FAIM2: variants seen among roughly 807,000 people sequenced by gnomAD.
FAIM2 encodes the protein Fas apoptotic inhibitory molecule 2.
FAIM2 carries 27 observed loss-of-function variants against 47.4 expected under a neutral mutation model. That is an observed-to-expected ratio of 0.57 (90% CI 0.42 to 0.78). The LOEUF (loss-of-function observed/expected upper bound fraction) is 0.78. Ranked by LOEUF, FAIM2 falls within the 30% of genes least tolerant of loss-of-function variation. The pLI is 0.00. For synonymous variants in FAIM2, 156 were observed against 159.3 expected, an observed-to-expected ratio of 0.98 and a Z score of 0.16; for missense variants, 311 against 389.4, an observed-to-expected ratio of 0.80 and a Z score of 1.69.
rs1025582315 is a variant in FAIM2 at position 49,889,200 on chromosome 12, G to A, written c.654C>T (p.Phe218=). 10 of 1,608,360 alleles carry A rather than the reference G, an allele frequency of 6.2e-6. No homozygotes were observed. Among genetic ancestry groups the A allele is most frequent in the African/African-American group, 4.0e-5 (3 of 74,856 alleles). Residue 218 remains phenylalanine, a splice_region_variant and synonymous_variant, in exon 10 of 12, where the codon TTC becomes TTT. Coordinates refer to ENST00000320634, the MANE Select transcript of FAIM2 (RefSeq NM_012306.4). ...SVTVFSFQTK[F]DFTSCQGVLF... ...GCACGCCCTGGCAGGAGGTGAAGTCGAACTGTGGGGACAGGATGGGGTTAG... is the reference window on the plus strand; with the variant it reads ...GCACGCCCTGGCAGGAGGTGAAGTCAAACTGTGGGGACAGGATGGGGTTAG...
rs1946670455 is a variant in FAIM2, at chr12:49,867,345, C to G, written c.*3159G>C. The G allele has an allele frequency of 6.6e-6, 1 of 152,360 alleles. No individual in the cohort carries two copies. Among genetic ancestry groups the G allele is most frequent in the Non-Finnish European group, 1.5e-5 (1 of 68,162 alleles). The allele number at this position is 152,360 out of a possible 1,614,324, so 9.4% of individuals were successfully genotyped here. ...AATCCCACCCCGCCCAGGAGAGCAGCCAGGACACCTGGGACTTGGCTTCAG... is the reference window on the plus strand; with the variant it reads ...AATCCCACCCCGCCCAGGAGAGCAGGCAGGACACCTGGGACTTGGCTTCAG... On this transcript the variant is annotated 3_prime_UTR_variant, in exon 12 of 12. Coordinates refer to ENST00000320634, the MANE Select transcript of FAIM2 (RefSeq NM_012306.4).
At chr12:49,880,712 A>C (rs1324383624) in intron 11 of FAIM2, among the ~76,000 whole-genome samples, 3 of 115,792 alleles carry the variant, frequency 2.6e-5, no homozygotes, top group African/African-American at 1.1e-4. Context: ...CCATGTGTGT[A>C]CATGCGTGTA....
chr12:49,900,277 G>C lies in FAIM2; in HGVS notation c.211+853C>G. ...CCTATGAGCAGAGGCTCTGTCTGGG[G>C]CATTGTCTCTGAGATCTCTTCTAGA... On this transcript the variant is annotated intron_variant, in intron 2 of 11. Transcript: ENST00000320634. 3.3e-6 allele frequency: 4 copies of C among 1,203,102 alleles called. No homozygotes were observed. The South Asian group carries it at 5.4e-5, about 16-fold the overall frequency. 74.5% of individuals were successfully genotyped at this position (1,203,102 alleles called of 1,614,324 possible).
chr12:49,882,482 T>C (rs1946832834), intron 11 of FAIM2, among the ~76,000 whole-genome samples: 1 of 152,138 alleles, frequency 6.6e-6, no homozygotes, highest in Non-Finnish European at 1.5e-5. Context: ...CCCTGCCCCA[T>C]GGGCCCCAGG....
chr12:49,884,707 A>AGG lies in FAIM2; in HGVS notation c.801+2678_801+2679insCC, dbSNP rs1168544325. On this transcript the variant is annotated intron_variant, in intron 11 of 11. Coordinates refer to ENST00000320634, the MANE Select transcript of FAIM2 (RefSeq NM_012306.4). Reference sequence around the variant, plus strand: ...AATCTGTGCCAGGACGGGCATGGTCACTCACGCCTGTAATCCCAGCACTTT... The same window carrying AGG: ...AATCTGTGCCAGGACGGGCATGGTCAGGCTCACGCCTGTAATCCCAGCACTTT... 4.2e-3 allele frequency among the ~76,000 whole-genome samples: 638 copies of AGG among 152,180 alleles called. 2 individuals are homozygous for AGG. Among genetic ancestry groups the AGG allele is most frequent in the African/African-American group, 0.015 (611 of 41,536 alleles).
At chr12:49,878,484 GTATA>G (rs1281592968) in intron 11 of FAIM2, among the ~76,000 whole-genome samples, 1 of 129,056 alleles carries the variant, frequency 7.7e-6, no homozygotes, top group African/African-American at 3.0e-5. Flanking sequence ...GTGCATGTGT[GTATA>G]TGTATGTGCA....
At chr12:49,901,425 C>T (rs540573257) in intron 1 of FAIM2, 100 bp from the exon 2 acceptor site, 1 of 886,794 alleles carries the variant, frequency 1.1e-6, no homozygotes, top group Non-Finnish European at 1.6e-6. Flanking sequence ...TTTCATGGTT[C>T]CTTCCTTACC....
chr12:49,903,550 G>GGGGTGGCA (rs1235085938), intron 1 of FAIM2, among the ~76,000 whole-genome samples: 1 of 152,264 alleles, frequency 6.6e-6, no homozygotes, highest in Non-Finnish European at 1.5e-5. Flanking sequence ...TGCCAAAGCA[G>GGGGTGGCA]GGGTGGCAGG....
intron 11 of FAIM2, among the ~76,000 whole-genome samples, chr12:49,879,046 T>TGTGTGTGTCTGTGTGCATGAGTG (rs1565613713): frequency 8.0e-6 from 1 of 125,230 alleles, no homozygotes; most frequent in Admixed American, 9.0e-5. Context: ...GTGCATGAGT[T>TGTGTGTGTCTGTGTGCATGAGTG]TGTGTATGTG....
intron 1 of FAIM2, 148 bp downstream of exon 1, chr12:49,903,630 C>G: frequency 9.2e-7 from 1 of 1,086,608 alleles, no homozygotes; most frequent in Non-Finnish European, 1.4e-6. Context: ...ACCGGCCTTT[C>G]GGTCCTCTGA....
chr12:49,890,182 G>A, intron 7 of FAIM2, 28 bp from the exon 8 acceptor site: 1 of 1,613,526 alleles, frequency 6.2e-7, no homozygotes, highest in Non-Finnish European at 8.5e-7. Flanking sequence ...GTAAAGGAAT[G>A]TTCCAAACTC....
intron 8 of FAIM2, among the ~76,000 whole-genome samples, 179 bp downstream of exon 8, chr12:49,889,938 G>A (rs1048601766): frequency 1.3e-5 from 2 of 151,996 alleles, no homozygotes; most frequent in African/African-American, 2.4e-5. Context: ...CAGGTCTTGG[G>A]GTCACTGTCC....
chr12:49,896,926 TG>T (rs1476197112), intron 5 of FAIM2, 104 bp downstream of exon 5: 4 of 909,890 alleles, frequency 4.4e-6, no homozygotes, highest in Non-Finnish European at 7.4e-6. Context: ...CCTGTGGGGC[TG>T]GGGGAAGCTA....
intron 11 of FAIM2, among the ~76,000 whole-genome samples, chr12:49,878,670 GTGTA>G (rs1458420956): frequency 2.2e-5 from 3 of 134,858 alleles, no homozygotes; most frequent in Admixed American, 8.3e-5. Context: ...ATGTGCATGT[GTGTA>G]TGTGTGTATA....
At chr12:49,881,746 G>A (rs570977064) in intron 11 of FAIM2, among the ~76,000 whole-genome samples, 1 of 152,322 alleles carries the variant, frequency 6.6e-6, no homozygotes, top group Admixed American at 6.5e-5. Context: ...GCATATTTGG[G>A]TCTGGCATCC....
intron 11 of FAIM2, among the ~76,000 whole-genome samples, chr12:49,884,103 A>G (rs553248505): frequency 3.3e-5 from 5 of 152,266 alleles, no homozygotes; most frequent in Admixed American, 2.0e-4. Flanking sequence ...GCATGCCTGT[A>G]GTCCCAGCTA....
At chr12:49,891,274 G>A (rs1422701279) in intron 5 of FAIM2, among the ~76,000 whole-genome samples, 160 bp from the exon 6 acceptor site, 3 of 152,160 alleles carry the variant, frequency 2.0e-5, no homozygotes, top group African/African-American at 7.2e-5. Context: ...AGTGGGCAGG[G>A]TGGTGGTCCA....
rs903147449 is a variant in FAIM2 at position 49,870,219 on chromosome 12, C to T, written c.*285G>A. ...TCCTGCTAGGCTTCTCCTCCTTGTC[C>T]CTTGGACCCTCAAACCCAGAGGAGC... On this transcript the variant is annotated 3_prime_UTR_variant, in exon 12 of 12. Coordinates refer to ENST00000320634, the MANE Select transcript of FAIM2 (RefSeq NM_012306.4). 8.9e-6 allele frequency: 3 copies of T among 338,326 alleles called. No homozygotes were observed. Among genetic ancestry groups the T allele is most frequent in the Middle Eastern group, 1.8e-3 (2 of 1,140 alleles). The allele number at this position is 338,326 out of a possible 1,614,324, so 21.0% of individuals were successfully genotyped here.
intron 5 of FAIM2, among the ~76,000 whole-genome samples, chr12:49,892,999 G>C (rs1301738123): frequency 2.6e-5 from 4 of 152,088 alleles, no homozygotes; most frequent in Non-Finnish European, 5.9e-5. Context: ...TGGACTTGTT[G>C]ATCTTCCTAC....
Sources: allele counts gnomAD v4.1 joint callset (sites outside exome capture counted in the v4.1 genomes callset), GRCh38; gene constraint gnomAD v4.1.1; transcripts MANE v1.5; gene names NCBI Gene and HGNC (gene_info 2026-07-23, HGNC 2026-07-21).